The following PLEKHA7 variants were observed in gnomAD, a reference collection of about 807,000 sequenced individuals.
PLEKHA7 encodes pleckstrin homology domain containing A7, also known as pleckstrin homology domain-containing family A member 7.
PLEKHA7 carries 104 observed loss-of-function variants against 170.0 expected under a neutral mutation model. That is an observed-to-expected ratio of 0.61 (90% CI 0.52 to 0.72). The LOEUF (loss-of-function observed/expected upper bound fraction) is 0.72. PLEKHA7 is among the 30% of genes least tolerant of loss of function. The pLI is 0.00. For synonymous variants in PLEKHA7, 648 were observed against 660.8 expected (o/e 0.98, Z 0.30); for missense variants, 1,615 against 1,671.7 (o/e 0.97, Z 0.59).
At chr11:16,962,773 G>C (rs909716925) in intron 3 of PLEKHA7, among the ~76,000 whole-genome samples, 1 of 152,156 alleles carries the variant, frequency 6.6e-6, no homozygotes, top group African/African-American at 2.4e-5. Flanking sequence ...CAAGCACCTT[G>C]ATGTGGTCCT....
At chr11:16,915,093 T>G (rs1858539218) in intron 3 of PLEKHA7, among the ~76,000 whole-genome samples, 1 of 152,150 alleles carries the variant, frequency 6.6e-6, no homozygotes, top group African/African-American at 2.4e-5. Flanking sequence ...AATGATCCCC[T>G]GTGGCCGAAT....
chr11:16,862,046 C>T (rs960117895), intron 4 of PLEKHA7, among the ~76,000 whole-genome samples: 1 of 152,188 alleles, frequency 6.6e-6, no homozygotes, highest in Non-Finnish European at 1.5e-5. Context: ...AGACCGCCAA[C>T]GCTCACTGTA....
At chr11:16,905,424 T>G (rs566952458) in intron 3 of PLEKHA7, among the ~76,000 whole-genome samples, 1 of 152,192 alleles carries the variant, frequency 6.6e-6, no homozygotes, top group Non-Finnish European at 1.5e-5. Context: ...TAAAAGAATT[T>G]TTTTTTAATT....
chr11:16,808,671 A>G (rs1391711305), intron 13 of PLEKHA7, among the ~76,000 whole-genome samples: 1 of 152,190 alleles, frequency 6.6e-6, no homozygotes, highest in African/African-American at 2.4e-5. Flanking sequence ...TTTTCTATCT[A>G]CAAAGGCTCC....
intron 3 of PLEKHA7, among the ~76,000 whole-genome samples, chr11:16,985,242 C>A (rs115782288): frequency 6.6e-6 from 1 of 152,220 alleles, no homozygotes; most frequent in East Asian, 1.9e-4. Flanking sequence ...CTCCTAGGCA[C>A]CTAGTTGTGT....
intron 15 of PLEKHA7, 89 bp downstream of exon 15, chr11:16,802,883 A>G (rs1164813318): frequency 3.6e-6 from 4 of 1,122,938 alleles, no homozygotes; most frequent in Admixed American, 1.7e-5. Context: ...GCTCTTCAAT[A>G]CTAACATGAG....
At chr11:16,874,071 A>G (rs1384722939) in intron 3 of PLEKHA7, among the ~76,000 whole-genome samples, 2 of 152,250 alleles carry the variant, frequency 1.3e-5, no homozygotes, top group African/African-American at 2.4e-5. Flanking sequence ...AGCCCTGCTC[A>G]TAACGGAAAT....
intron 3 of PLEKHA7, among the ~76,000 whole-genome samples, chr11:16,917,120 G>A (rs1212874903): frequency 6.6e-6 from 1 of 152,150 alleles, no homozygotes; most frequent in Non-Finnish European, 1.5e-5. Flanking sequence ...TTGGGAGGCT[G>A]AGTCAGGAGA....
chr11:16,990,598 A>G (rs1156515472), intron 3 of PLEKHA7, among the ~76,000 whole-genome samples: 1 of 152,212 alleles, frequency 6.6e-6, no homozygotes, highest in Non-Finnish European at 1.5e-5. Context: ...TGGGCACACC[A>G]TTATCAACCT....
At chr11:16,906,419 T>TG (rs1017255867) in intron 3 of PLEKHA7, among the ~76,000 whole-genome samples, 17 of 141,320 alleles carry the variant, frequency 1.2e-4, no homozygotes, top group South Asian at 2.5e-4. Context: ...GCAACCTCCC[T>TG]GCCTGATTCT....
chr11:16,947,915 CAA>C (rs756124686), intron 3 of PLEKHA7, among the ~76,000 whole-genome samples: 2 of 67,030 alleles, frequency 3.0e-5, no homozygotes, highest in Non-Finnish European at 6.0e-5. Flanking sequence ...GACTCCGTCT[CAA>C]AAAAAAAAAA....
chr11:16,851,195 A>G lies in PLEKHA7; in HGVS notation c.692T>C (p.Phe231Ser). 1 of 1,605,408 alleles carries G rather than the reference A, an allele frequency of 6.2e-7. No homozygotes were observed. Among genetic ancestry groups the G allele is most frequent in the South Asian group, 1.1e-5 (1 of 88,850 alleles). The change falls in exon 8 of 27, where the codon TTT becomes TCT. Residue 231 changes from phenylalanine (F) to serine (S), a missense_variant. Coordinates refer to ENST00000531066, the MANE Select transcript of PLEKHA7 (RefSeq NM_001329630.2). ...TTAGAGGTGCAGGGGCAGTACCTTA[A>G]AGGAATATTTGCGGCTTATGCGATC... is the stretch of plus-strand genomic sequence containing the variant. ...PEDRISRKYS[F>S]KAVHTGMRAL...
intron 13 of PLEKHA7, among the ~76,000 whole-genome samples, chr11:16,804,911 T>A (rs1848850547): frequency 6.7e-6 from 1 of 149,734 alleles, no homozygotes; most frequent in East Asian, 2.0e-4. Context: ...TGCAGGGAGG[T>A]GTGGGGAGGT....
intron 3 of PLEKHA7, among the ~76,000 whole-genome samples, chr11:16,967,526 A>AT (rs1365874021): frequency 2.6e-5 from 4 of 152,352 alleles, no homozygotes; most frequent in Admixed American, 1.3e-4. Context: ...GCTTAATGCC[A>AT]TGAGGCCCTC....
chr11:16,904,402 T>A (rs1343529495), intron 3 of PLEKHA7, among the ~76,000 whole-genome samples: 1 of 152,166 alleles, frequency 6.6e-6, no homozygotes. Flanking sequence ...TTGAGCAAAA[T>A]AAGGTGTTTA....
intron 3 of PLEKHA7, among the ~76,000 whole-genome samples, chr11:16,930,796 G>A (rs1859870986): frequency 6.6e-6 from 1 of 152,188 alleles, no homozygotes; most frequent in East Asian, 1.9e-4. Context: ...CTTCTGGGAG[G>A]AAAGTAACAG....
intron 3 of PLEKHA7, among the ~76,000 whole-genome samples, chr11:17,005,810 C>T (rs765057159): frequency 6.6e-6 from 1 of 152,150 alleles, no homozygotes; most frequent in Non-Finnish European, 1.5e-5. Context: ...ACTGTTTTTC[C>T]TTTCCCACAG....
At chr11:16,841,184 C>T (rs550555304) in intron 9 of PLEKHA7, among the ~76,000 whole-genome samples, 75 of 152,274 alleles carry the variant, frequency 4.9e-4, no homozygotes, top group African/African-American at 1.6e-3. Flanking sequence ...AGGGAGCAAC[C>T]GGAAGATCAC....
intron 3 of PLEKHA7, among the ~76,000 whole-genome samples, chr11:16,954,852 G>A (rs1043577373): frequency 2.0e-5 from 3 of 151,810 alleles, no homozygotes; most frequent in Admixed American, 6.6e-5. Context: ...CACCACACCC[G>A]GCTAATTTTT....
Sources: gnomAD v4.1 joint callset for allele counts (sites outside exome capture counted in the v4.1 genomes callset) on GRCh38, gnomAD v4.1.1 for gene constraint, MANE v1.5 for transcripts, NCBI Gene and HGNC (gene_info 2026-07-23, HGNC 2026-07-21) for gene names.